Variants in SLC2A13 observed in about 807,000 individuals in gnomAD.
SLC2A13 encodes the protein solute carrier family 2 member 13, also known as proton myo-inositol cotransporter.
A neutral mutation model predicts 64.4 loss-of-function variants in SLC2A13; 32 were observed. The observed-to-expected ratio is 0.50, with a 90% confidence interval of 0.37 to 0.67. The LOEUF (loss-of-function observed/expected upper bound fraction) is 0.67, where lower values mean the gene tolerates loss of function less well. Among genes scored for constraint, SLC2A13 ranks in the 30% least tolerant of loss-of-function variants. The pLI, the probability that SLC2A13 is intolerant of heterozygous loss-of-function variation, is 0.00. For synonymous variants in SLC2A13, 338 were observed against 327.1 expected (o/e 1.03, Z -0.36); for missense variants, 743 against 829.2 (o/e 0.90, Z 1.28).
At chr12:39,764,970 A>G in intron 7 of SLC2A13, 112 bp from the exon 8 acceptor site, 1 of 1,238,508 alleles carries the variant, frequency 8.1e-7, no homozygotes, top group Non-Finnish European at 1.1e-6. Flanking sequence ...TAAGAGTCCA[A>G]AATGTTTTTC....
At chr12:39,972,053 T>C (rs1946667385) in intron 3 of SLC2A13, among the ~76,000 whole-genome samples, 1 of 136,358 alleles carries the variant, frequency 7.3e-6, no homozygotes, top group South Asian at 2.2e-4. Context: ...TTATATATAA[T>C]ATATAAAAAT....
intron 3 of SLC2A13, among the ~76,000 whole-genome samples, chr12:40,019,359 A>AT (rs11324751): frequency 4.8e-4 from 72 of 151,128 alleles, no homozygotes; most frequent in Middle Eastern, 6.8e-3. Context: ...ACAATGCCTA[A>AT]TTTTTTTTTT....
chr12:39,991,951 C>A (rs1377939415), intron 3 of SLC2A13, among the ~76,000 whole-genome samples: 1 of 152,172 alleles, frequency 6.6e-6, no homozygotes, highest in Non-Finnish European at 1.5e-5. Context: ...CCTTGTTCCT[C>A]TTCTTTGATT....
chr12:39,861,275 T>C (rs1268888507), intron 6 of SLC2A13, among the ~76,000 whole-genome samples: 1 of 152,258 alleles, frequency 6.6e-6, no homozygotes, highest in Non-Finnish European at 1.5e-5. Context: ...GTGCTTATTA[T>C]GTGCCAAGCA....
At chr12:39,902,600 A>G (rs919109807) in intron 4 of SLC2A13, among the ~76,000 whole-genome samples, 1 of 152,112 alleles carries the variant, frequency 6.6e-6, no homozygotes, top group African/African-American at 2.4e-5. Context: ...TGTCCTCACA[A>G]AAGTGAAATC....
At chr12:39,996,041 A>G (rs1255159619) in intron 3 of SLC2A13, among the ~76,000 whole-genome samples, 2 of 152,204 alleles carry the variant, frequency 1.3e-5, no homozygotes, top group East Asian at 3.9e-4. Context: ...CGCTGCTGAA[A>G]ACATACCAGT....
chr12:39,895,514 T>TTATA lies in SLC2A13; in HGVS notation c.1035-23557_1035-23554dup, dbSNP rs777418112. 7.2e-4 allele frequency among the ~76,000 whole-genome samples: 41 copies of TTATA among 56,638 alleles called. 1 individual carries two copies. Among genetic ancestry groups the TTATA allele is most frequent in the African/African-American group, 3.0e-3 (39 of 13,074 alleles). 37.2% of individuals were successfully genotyped at this position (56,638 alleles called of 152,430 possible). On this transcript the variant is annotated intron_variant, in intron 4 of 9. Transcript: ENST00000280871. ...CAAAAAAAAAAAAAAAAAAAAAAAA[T>TTATA]TATATATATATATATATATATATAT... is the stretch of plus-strand genomic sequence containing the variant.
intron 7 of SLC2A13, among the ~76,000 whole-genome samples, chr12:39,827,613 G>C (rs995409533): frequency 2.0e-5 from 3 of 152,038 alleles, no homozygotes; most frequent in African/African-American, 7.2e-5. Context: ...GGAGGTGTAG[G>C]GGGAGGTTAT....
Position 39,760,171 on chromosome 12 carries a change from T to A in SLC2A13, c.1802A>T (p.Lys601Ile). ...AAAGAGTGATTCAATTTCCTCTAATTTTTTGCCTTTGGTCTCAGGAAGACA... is the reference window on the plus strand; with the variant it reads ...AAAGAGTGATTCAATTTCCTCTAATATTTTGCCTTTGGTCTCAGGAAGACA... ...YGCLPETKGK[K>I]LEEIESLFDN... Residue 601 changes from lysine to isoleucine, a missense_variant, in exon 10 of 10, where the codon AAA becomes ATA. Lys to Ile is a moderately radical substitution (Grantham distance 102). Transcript: ENST00000280871. 6.2e-7 allele frequency: 1 copy of A among 1,612,938 alleles called. No homozygotes were observed. Among genetic ancestry groups the A allele is most frequent in the Non-Finnish European group, 8.5e-7 (1 of 1,179,358 alleles).
chr12:40,028,767 A>G (rs1947862706), intron 2 of SLC2A13, among the ~76,000 whole-genome samples: 1 of 152,252 alleles, frequency 6.6e-6, no homozygotes, highest in Non-Finnish European at 1.5e-5. Flanking sequence ...CAAAAGCTAC[A>G]GTCATTATGT....
chr12:39,788,895 T>C (rs1309976523), intron 7 of SLC2A13, among the ~76,000 whole-genome samples: 4 of 152,162 alleles, frequency 2.6e-5, no homozygotes, highest in African/African-American at 7.2e-5. Context: ...ATAAAATAAA[T>C]ATTTTGGTAT....
chr12:39,768,557 T>C lies in SLC2A13; in HGVS notation c.1446-3699A>G, dbSNP rs948608460. On this transcript the variant is annotated intron_variant, in intron 7 of 9. Coordinates refer to ENST00000280871, the MANE Select transcript of SLC2A13 (RefSeq NM_052885.4). Reference sequence around the variant, plus strand: ...GAACATTTAGAGGCCATTGTAGAGTTATTAACTGTAGTGTCTTAGGGAATA... The same window carrying C: ...GAACATTTAGAGGCCATTGTAGAGTCATTAACTGTAGTGTCTTAGGGAATA... Among the ~76,000 whole-genome samples the C allele has an allele frequency of 9.2e-5, 14 of 152,168 alleles. No homozygotes were observed. The East Asian group carries it at 2.7e-3, about 29-fold the overall frequency.
intron 4 of SLC2A13, among the ~76,000 whole-genome samples, chr12:39,948,127 TA>T: frequency 6.6e-6 from 1 of 152,168 alleles, no homozygotes; most frequent in Non-Finnish European, 1.5e-5. Context: ...CTTTCTCTCC[TA>T]TGAATAAAGG....
intron 3 of SLC2A13, among the ~76,000 whole-genome samples, chr12:40,013,178 T>TA (rs35009538): frequency 9.9e-4 from 144 of 145,310 alleles, no homozygotes; most frequent in East Asian, 2.8e-3. Flanking sequence ...CAAAATGATT[T>TA]AAAAAAAAAA....
intron 4 of SLC2A13, among the ~76,000 whole-genome samples, chr12:39,896,248 A>G (rs1944845919): frequency 1.0e-5 from 1 of 100,494 alleles, no homozygotes; most frequent in South Asian, 2.9e-4. Flanking sequence ...ATATATGTAT[A>G]CATGTATGTA....
In SLC2A13 at chr12:40,103,058, C is replaced by T. The variant is rs184630726; in HGVS notation, c.556+2195G>A. On this transcript the variant is annotated intron_variant, in intron 1 of 9. Coordinates refer to ENST00000280871, the MANE Select transcript of SLC2A13 (RefSeq NM_052885.4). ...TTTCTGGAAGTGAGATGGGCCACAC[C>T]AGAACTGAATGGAGAACATATCTAA... Among the ~76,000 whole-genome samples, 30 of 152,278 alleles carry T rather than the reference C, an allele frequency of 2.0e-4. No homozygotes were observed. In the East Asian group the frequency reaches 4.8e-3, roughly 25 times the overall value.
intron 3 of SLC2A13, among the ~76,000 whole-genome samples, chr12:40,019,390 A>G (rs1343850137): frequency 6.6e-6 from 1 of 152,172 alleles, no homozygotes; most frequent in African/African-American, 2.4e-5. Flanking sequence ...TTTACATCCA[A>G]ACTGCATGGC....
intron 3 of SLC2A13, among the ~76,000 whole-genome samples, chr12:39,997,177 T>G (rs987290995): frequency 6.6e-6 from 1 of 152,018 alleles, no homozygotes; most frequent in South Asian, 2.1e-4. Flanking sequence ...TATACCAGTA[T>G]AAAAATAAGC....
intron 1 of SLC2A13, among the ~76,000 whole-genome samples, chr12:40,074,357 C>T (rs1938084435): frequency 6.6e-6 from 1 of 151,734 alleles, no homozygotes; most frequent in African/African-American, 2.4e-5. Flanking sequence ...TGTAGAGATG[C>T]AGTCTTAGTA....
Sources: gnomAD v4.1 joint callset for allele counts (sites outside exome capture counted in the v4.1 genomes callset) on GRCh38, gnomAD v4.1.1 for gene constraint, MANE v1.5 for transcripts, NCBI Gene and HGNC (gene_info 2026-07-23, HGNC 2026-07-21) for gene names.